GRM8: variants seen among roughly 807,000 people sequenced by gnomAD.
GRM8 encodes glutamate metabotropic receptor 8.
GRM8 carries 47 observed loss-of-function variants against 87.2 expected under a neutral mutation model. The ratio of observed to expected loss-of-function variants is 0.54; its 90% CI spans 0.43 to 0.69. The LOEUF (loss-of-function observed/expected upper bound fraction) is 0.69, where lower values mean the gene tolerates loss of function less well. GRM8 is among the 30% of genes least tolerant of loss of function. The pLI is 0.00. For synonymous variants in GRM8, 396 were observed against 404.5 expected (o/e 0.98, Z 0.25); for missense variants, 1,019 against 1,139.2 (o/e 0.89, Z 1.52).
intron 7 of GRM8, among the ~76,000 whole-genome samples, chr7:126,668,845 A>G (rs1476847563): frequency 6.6e-6 from 1 of 151,986 alleles, no homozygotes; most frequent in Non-Finnish European, 1.5e-5. Context: ...CTGTCTGTGT[A>G]TTGTGTGTAA....
intron 6 of GRM8, chr7:126,870,480 T>C (rs1220973666): frequency 6.6e-6 from 1 of 152,188 alleles, no homozygotes; most frequent in African/African-American, 2.4e-5. Context: ...TGGTTTTTTA[T>C]TTAAAGTGAG....
chr7:126,524,239 T>A (rs1348922808), intron 9 of GRM8, among the ~76,000 whole-genome samples: 1 of 152,222 alleles, frequency 6.6e-6, no homozygotes, highest in African/African-American at 2.4e-5. Flanking sequence ...ATATCTGACA[T>A]GCCTTTTTTT....
intron 6 of GRM8, among the ~76,000 whole-genome samples, chr7:126,839,060 T>G (rs1275153531): frequency 6.6e-6 from 1 of 152,158 alleles, no homozygotes; most frequent in African/African-American, 2.4e-5. Context: ...AAACTCTTAT[T>G]ATCTCCACAC....
At chr7:126,851,783 G>A (rs554355694) in intron 6 of GRM8, among the ~76,000 whole-genome samples, 8 of 152,076 alleles carry the variant, frequency 5.3e-5, no homozygotes, top group East Asian at 1.9e-4. Context: ...AACCTCCCAC[G>A]CCTGACATTT....
At chr7:127,112,525 A>G (rs1826434496) in intron 2 of GRM8, among the ~76,000 whole-genome samples, 1 of 152,232 alleles carries the variant, frequency 6.6e-6, no homozygotes, top group Non-Finnish European at 1.5e-5. Flanking sequence ...CCATCCATCC[A>G]TTAATCAAGA....
At chr7:127,104,408 A>T (rs1210317097) in intron 3 of GRM8, among the ~76,000 whole-genome samples, 2 of 152,310 alleles carry the variant, frequency 1.3e-5, no homozygotes, top group Non-Finnish European at 1.5e-5. Flanking sequence ...ACCATTTGCC[A>T]TTCCCATTAA....
At chr7:126,628,104 G>C (rs572408226) in intron 7 of GRM8, among the ~76,000 whole-genome samples, 60 of 152,176 alleles carry the variant, frequency 3.9e-4, no homozygotes, top group Non-Finnish European at 7.8e-4. Flanking sequence ...GAGTGCAGTG[G>C]CGTGATCTCA....
intron 3 of GRM8, among the ~76,000 whole-genome samples, chr7:126,956,664 G>C (rs1367908767): frequency 6.6e-6 from 1 of 152,086 alleles, no homozygotes; most frequent in African/African-American, 2.4e-5. Context: ...GAGAACTGAA[G>C]AGGCTACAAC....
At chr7:127,203,546 A>G (rs1795731881) in intron 2 of GRM8, among the ~76,000 whole-genome samples, 1 of 152,070 alleles carries the variant, frequency 6.6e-6, no homozygotes, top group South Asian at 2.1e-4. Flanking sequence ...TGTCTACACT[A>G]AAAATACAAA....
At chr7:126,799,222 A>G (rs1822353751) in intron 6 of GRM8, among the ~76,000 whole-genome samples, 1 of 151,818 alleles carries the variant, frequency 6.6e-6, no homozygotes, top group African/African-American at 2.4e-5. Flanking sequence ...CTGCATTTTG[A>G]CAAGATCCCC....
intron 7 of GRM8, among the ~76,000 whole-genome samples, chr7:126,697,651 CA>C (rs1222200620): frequency 1.3e-5 from 2 of 151,988 alleles, no homozygotes; most frequent in Admixed American, 1.3e-4. Flanking sequence ...CACATCTTTC[CA>C]TATTTCTGCC....
chr7:127,211,268 G>A (rs1796197994), intron 2 of GRM8, among the ~76,000 whole-genome samples: 1 of 152,166 alleles, frequency 6.6e-6, no homozygotes, highest in South Asian at 2.1e-4. Context: ...GAGAGCCCCT[G>A]GCAAACCACT....
At chr7:126,636,502 G>A (rs1430004466) in intron 7 of GRM8, among the ~76,000 whole-genome samples, 2 of 152,018 alleles carry the variant, frequency 1.3e-5, no homozygotes, top group Non-Finnish European at 2.9e-5. Flanking sequence ...CAATAAAAAA[G>A]TCTGTACATG....
intron 6 of GRM8, among the ~76,000 whole-genome samples, chr7:126,776,353 G>A (rs1275372411): frequency 1.3e-5 from 2 of 152,028 alleles, no homozygotes; most frequent in African/African-American, 4.8e-5. Flanking sequence ...AATGTCAGGA[G>A]GCAATGAACA....
intron 6 of GRM8, among the ~76,000 whole-genome samples, chr7:126,788,660 T>C (rs1820943644): frequency 6.6e-6 from 1 of 152,068 alleles, no homozygotes; most frequent in East Asian, 1.9e-4. Context: ...AAATGGACTC[T>C]ATCATAACTT....
intron 3 of GRM8, among the ~76,000 whole-genome samples, chr7:126,970,371 G>A (rs1268632225): frequency 6.6e-6 from 1 of 152,138 alleles, no homozygotes; most frequent in Non-Finnish European, 1.5e-5. Flanking sequence ...TCCTAGATAA[G>A]TTGCTTCAGC....
intron 7 of GRM8, among the ~76,000 whole-genome samples, chr7:126,668,988 T>TA (rs1243497245): frequency 1.3e-5 from 2 of 152,202 alleles, no homozygotes; most frequent in East Asian, 3.9e-4. Flanking sequence ...TATGCAGCCA[T>TA]AAAAAAGAAT....
rs140945681 is a variant in GRM8 at position 126,924,744 on chromosome 7, C to T, written c.728-20061G>A. 8.5e-5 allele frequency among the ~76,000 whole-genome samples: 13 copies of T among 152,104 alleles called. No individual in the cohort carries two copies. The East Asian group carries it at 2.3e-3, about 27-fold the overall frequency. On this transcript the variant is annotated intron_variant, in intron 3 of 10. Transcript: ENST00000339582. ...GGCTCTAATTGTACACAGCATCATG[C>T]AAAAGAATTTAATGAACTTAGGAGC...
At chr7:126,754,288 A>T (rs1291247528) in intron 7 of GRM8, among the ~76,000 whole-genome samples, 1 of 151,920 alleles carries the variant, frequency 6.6e-6, no homozygotes, top group Non-Finnish European at 1.5e-5. Flanking sequence ...CTAAAGTTTT[A>T]AAATAGCTCA....
Sources: allele counts gnomAD v4.1 joint callset (sites outside exome capture counted in the v4.1 genomes callset), GRCh38; gene constraint gnomAD v4.1.1; transcripts MANE v1.5; gene names NCBI Gene and HGNC (gene_info 2026-07-23, HGNC 2026-07-21).